The following ARHGEF9 variants were observed in gnomAD, a reference collection of about 807,000 sequenced individuals.
ARHGEF9 encodes the protein rho guanine nucleotide exchange factor 9.
A neutral mutation model predicts 41.3 loss-of-function variants in ARHGEF9; 2 were observed. The observed-to-expected ratio is 0.05, with a 90% CI of 0.02 to 0.15. The LOEUF (loss-of-function observed/expected upper bound fraction) is 0.15, where lower values mean the gene tolerates loss of function less well. ARHGEF9 is among the 10% of genes least tolerant of loss of function. The probability of loss-of-function intolerance (pLI) is 1.00; values close to 1 mark genes in which losing one functional copy is unlikely to be tolerated. For synonymous variants in ARHGEF9, 160 were observed against 154.4 expected (o/e 1.04, Z -0.27); for missense variants, 225 against 424.7 (o/e 0.53, Z 4.13).
In ARHGEF9 at chrX:63,697,139, A is replaced by C. The variant is rs1556389035; in HGVS notation, c.568T>G (p.Cys190Gly). The change falls in exon 4 of 10, where the codon TGC becomes GGC. Residue 190 changes from cysteine (C) to glycine (G), a missense_variant. By Grantham distance (159) the Cys-to-Gly change is radical (BLOSUM62 -3). Coordinates refer to ENST00000671741, the MANE Select transcript of ARHGEF9 (RefSeq NM_001353921.2). ...AAGATACTTACGTGCTCTAGGAAGC[A>C]GGGTCCTATCTCGCTGAGGTGGGGG... ...DDPHLSEIGP[C>G]FLEHQDGFWI... 1 of 1,210,343 alleles carries C rather than the reference A, an allele frequency of 8.3e-7. No homozygotes were observed. The highest frequency in any genetic ancestry group is 3.0e-5 in the East Asian group (1 of 33,780).
At chrX:63,687,088 A>G (rs2051033300) in intron 4 of ARHGEF9, among the ~76,000 whole-genome samples, 1 of 111,077 alleles carries the variant, frequency 9.0e-6, no homozygotes, top group African/African-American at 3.3e-5. Flanking sequence ...CCAGTGCATG[A>G]AACTCCAGCT....
chrX:63,739,150 A>G (rs2054794096), intron 1 of ARHGEF9, among the ~76,000 whole-genome samples: 1 of 111,830 alleles, frequency 8.9e-6, no homozygotes, highest in South Asian at 3.8e-4. Flanking sequence ...GATCCCTTTC[A>G]GCCAACCCCT....
At chrX:63,645,605 C>T (rs181025356) in intron 8 of ARHGEF9, among the ~76,000 whole-genome samples, 1 of 112,234 alleles carries the variant, frequency 8.9e-6, no homozygotes, top group Non-Finnish European at 1.9e-5. Flanking sequence ...ATATGTGCCA[C>T]ATTTTCTTAA....
chrX:63,702,257 T>A lies in ARHGEF9; in HGVS notation c.402+4001A>T, dbSNP rs1355116851. Among the ~76,000 whole-genome samples, 5 of 112,575 alleles carry A rather than the reference T, an allele frequency of 4.4e-5. No homozygotes were observed. The East Asian group carries it at 1.4e-3, about 32-fold the overall frequency. On this transcript the variant is annotated intron_variant, in intron 3 of 9. Transcript: ENST00000671741. ...CAAGAGAAAGCAGACAAGACAGCTT[T>A]ATAAAGCATCGTTAGCTCTGCTTAC...
intron 1 of ARHGEF9, among the ~76,000 whole-genome samples, chrX:63,738,829 C>T (rs1260944557): frequency 9.0e-6 from 1 of 111,628 alleles, no homozygotes; most frequent in African/African-American, 3.3e-5. Context: ...CATCTCTTTC[C>T]TCTCACCACT....
At chrX:63,761,719 T>A (rs2056037535) in intron 1 of ARHGEF9, among the ~76,000 whole-genome samples, 1 of 111,725 alleles carries the variant, frequency 9.0e-6, no homozygotes, top group African/African-American at 3.3e-5. Flanking sequence ...CAGAAACTTT[T>A]CCCTCAAGAA....
chrX:63,731,749 C>G (rs1253042869), intron 1 of ARHGEF9, among the ~76,000 whole-genome samples: 7 of 110,055 alleles, frequency 6.4e-5, no homozygotes, highest in African/African-American at 2.0e-4. Context: ...TTCGTAGAGA[C>G]AGGGTTTCAC....
chrX:63,771,795 G>A (rs1345606338), intron 1 of ARHGEF9, among the ~76,000 whole-genome samples: 1 of 111,054 alleles, frequency 9.0e-6, no homozygotes, highest in African/African-American at 3.3e-5. Flanking sequence ...TTTAATTCCT[G>A]ACCTCAAGTG....
intron 9 of ARHGEF9, chrX:63,638,681 C>T: frequency 3.3e-6 from 1 of 304,631 alleles, no homozygotes; most frequent in Non-Finnish European, 5.7e-6. Flanking sequence ...TTTAAAAGAG[C>T]CTGGTTAAGA....
At chrX:63,644,265 C>T (rs2047844141) in intron 8 of ARHGEF9, 2 of 337,394 alleles carry the variant, frequency 5.9e-6, no homozygotes, top group South Asian at 6.5e-5. Context: ...CTACAAAATG[C>T]ACAACACAGA....
At chrX:63,771,748 GTAGA>G (rs2147815355) in intron 1 of ARHGEF9, among the ~76,000 whole-genome samples, 1 of 111,078 alleles carries the variant, frequency 9.0e-6, no homozygotes, top group African/African-American at 3.3e-5. Context: ...TGTATTTTTA[GTAGA>G]TACAGGGTTT....
At chrX:63,765,468 T>G (rs184423096) in intron 1 of ARHGEF9, among the ~76,000 whole-genome samples, 14 of 111,184 alleles carry the variant, frequency 1.3e-4, no homozygotes, top group African/African-American at 4.3e-4. Flanking sequence ...AACCAGCCCT[T>G]ACAATCTTAT....
chrX:63,717,269 T>C (rs782427940), intron 2 of ARHGEF9, among the ~76,000 whole-genome samples: 1 of 112,697 alleles, frequency 8.9e-6, no homozygotes, highest in African/African-American at 3.2e-5. Flanking sequence ...AACATTATTA[T>C]GCCTCTTGGT....
chrX:63,755,272 G>C (rs781817737), intron 1 of ARHGEF9: 1 of 920,876 alleles, frequency 1.1e-6, no homozygotes. Flanking sequence ...TTGCGCTGGC[G>C]TGCTAGCCGC....
chrX:63,740,372 T>G (rs1276279345), intron 1 of ARHGEF9, among the ~76,000 whole-genome samples: 1 of 112,008 alleles, frequency 8.9e-6, no homozygotes, highest in Non-Finnish European at 1.9e-5. Flanking sequence ...AGGAGTCAGG[T>G]CCAATTGTTG....
rs1312631930 is a variant in ARHGEF9 at position 63,785,168 on chromosome X, T to C, written c.-23A>G. On this transcript the variant is annotated 5_prime_UTR_variant, in exon 1 of 10. Coordinates refer to ENST00000671741, the MANE Select transcript of ARHGEF9 (RefSeq NM_001353921.2). ...CATGGTGCTTGCGAAGTCCGGCTTCTCTGAGGCCCCGTAGCTGGCGCGAGT... is the reference window on the plus strand; with the variant it reads ...CATGGTGCTTGCGAAGTCCGGCTTCCCTGAGGCCCCGTAGCTGGCGCGAGT... 5.2e-6 allele frequency: 6 copies of C among 1,160,905 alleles called. No homozygotes were observed. In the African/African-American group the frequency reaches 9.0e-5, roughly 17 times the overall value.
chrX:63,777,610 CAAGT>C (rs1334509786), intron 1 of ARHGEF9, among the ~76,000 whole-genome samples: 2 of 112,182 alleles, frequency 1.8e-5, no homozygotes, highest in Non-Finnish European at 3.8e-5. Context: ...AAATAAAAAG[CAAGT>C]TAGTTACTTC....
intron 4 of ARHGEF9, among the ~76,000 whole-genome samples, chrX:63,685,057 C>T (rs1192233558): frequency 9.0e-6 from 1 of 110,700 alleles, no homozygotes; most frequent in Non-Finnish European, 1.9e-5. Context: ...TAACCTACAG[C>T]ATGGGGACTA....
At chrX:63,752,826 G>A (rs1402169981) in intron 1 of ARHGEF9, among the ~76,000 whole-genome samples, 1 of 111,952 alleles carries the variant, frequency 8.9e-6, no homozygotes, top group African/African-American at 3.3e-5. Context: ...CTGAACAACC[G>A]GACATGGAAC....
Sources: gnomAD v4.1 joint callset for allele counts (sites outside exome capture counted in the v4.1 genomes callset) on GRCh38, gnomAD v4.1.1 for gene constraint, MANE v1.5 for transcripts, NCBI Gene and HGNC (gene_info 2026-07-23, HGNC 2026-07-21) for gene names.